TAFA1: variants seen among roughly 807,000 people sequenced by gnomAD.
TAFA1 encodes chemokine-like protein TAFA-1.
Under a neutral mutation model 18.5 loss-of-function variants are expected in TAFA1, and 4 were observed. That is an observed-to-expected ratio of 0.22 (90% CI 0.11 to 0.49). TAFA1 has a LOEUF of 0.49. Ranked by LOEUF, TAFA1 falls within the 20% of genes least tolerant of loss-of-function variation. The pLI is 0.98. For missense variants in TAFA1, 147 were observed against 169.0 expected (o/e 0.87, Z 0.72); for synonymous variants, 56 against 55.2 (o/e 1.01, Z -0.06).
intron 3 of TAFA1, among the ~76,000 whole-genome samples, chr3:68,522,023 A>G (rs2073034962): frequency 6.6e-6 from 1 of 150,418 alleles, no homozygotes; most frequent in African/African-American, 2.4e-5. Flanking sequence ...TTTATTTTCT[A>G]TTTTTCATAG....
rs530468170 is a variant in TAFA1 at position 68,174,336 on chromosome 3, A to G, written c.118+167592A>G. On this transcript the variant is annotated intron_variant, in intron 2 of 4. Coordinates refer to ENST00000478136, the MANE Select transcript of TAFA1 (RefSeq NM_213609.4). Reference sequence around the variant, plus strand: ...TTGTAGGAGGGACCCAGTGGGAGGTAACTGAATCATGGGGGCAGGTCTTTC... The same window carrying G: ...TTGTAGGAGGGACCCAGTGGGAGGTGACTGAATCATGGGGGCAGGTCTTTC... Among the ~76,000 whole-genome samples the G allele has an allele frequency of 1.1e-3, 171 of 152,346 alleles. 1 individual carries two copies. Among genetic ancestry groups the G allele is most frequent in the African/African-American group, 4.0e-3 (167 of 41,592 alleles).
intron 2 of TAFA1, among the ~76,000 whole-genome samples, chr3:68,390,635 G>A (rs1029635403): frequency 2.0e-5 from 3 of 152,196 alleles, no homozygotes; most frequent in African/African-American, 7.2e-5. Flanking sequence ...TGGCCCTGTG[G>A]GACAAAGCTT....
At chr3:68,119,834 C>G (rs68079422) in intron 2 of TAFA1, among the ~76,000 whole-genome samples, 45,086 of 152,008 alleles carry the variant, frequency 0.3, 7,299 homozygotes, top group East Asian at 0.49. Context: ...TCTTCTTTTT[C>G]AAGATTGTTT....
At chr3:68,289,588 A>G (rs2068074478) in intron 2 of TAFA1, among the ~76,000 whole-genome samples, 1 of 138,618 alleles carries the variant, frequency 7.2e-6, no homozygotes, top group Admixed American at 7.1e-5. Flanking sequence ...AAGTTGAAGC[A>G]GGAGGAACAT....
chr3:68,116,322 T>A (rs1559526099), intron 2 of TAFA1, among the ~76,000 whole-genome samples: 1 of 152,168 alleles, frequency 6.6e-6, no homozygotes, highest in Non-Finnish European at 1.5e-5. Context: ...AAGATTAACA[T>A]GATATTTATA....
rs950694299 is a variant in TAFA1 at position 68,107,894 on chromosome 3, T to C, written c.118+101150T>C. ...TTTTTGTTGATTTTACAGAGGCCCT[T>C]GGATGGTTCTGCCCTAGTCATTAGG... On this transcript the variant is annotated intron_variant, in intron 2 of 4. Coordinates refer to ENST00000478136, the MANE Select transcript of TAFA1 (RefSeq NM_213609.4). Among the ~76,000 whole-genome samples, 6 of 152,226 alleles carry C rather than the reference T, an allele frequency of 3.9e-5. No homozygotes were observed. The East Asian group carries it at 1.2e-3, about 29-fold the overall frequency.
intron 2 of TAFA1, among the ~76,000 whole-genome samples, chr3:68,278,946 A>G (rs2067846594): frequency 6.6e-6 from 1 of 152,096 alleles, no homozygotes; most frequent in Non-Finnish European, 1.5e-5. Flanking sequence ...ATCACTGGAG[A>G]TTGTGTTCCA....
intron 2 of TAFA1, among the ~76,000 whole-genome samples, chr3:68,025,466 TAGTC>T (rs1486393885): frequency 1.3e-5 from 2 of 152,166 alleles, no homozygotes; most frequent in African/African-American, 2.4e-5. Context: ...GTTAAAAAGT[TAGTC>T]AGGTCTTGTC....
chr3:68,287,758 C>A (rs1368430977), intron 2 of TAFA1, among the ~76,000 whole-genome samples: 1 of 152,074 alleles, frequency 6.6e-6, no homozygotes. Flanking sequence ...CCAATTAGGG[C>A]TATTTATCCT....
intron 2 of TAFA1, among the ~76,000 whole-genome samples, chr3:68,386,175 C>CA (rs2070098887): frequency 6.6e-6 from 1 of 152,044 alleles, no homozygotes; most frequent in African/African-American, 2.4e-5. Flanking sequence ...TTCAGTAACA[C>CA]ACGATAGATA....
chr3:68,406,795 A>T (rs766567242), intron 2 of TAFA1, among the ~76,000 whole-genome samples: 1 of 152,212 alleles, frequency 6.6e-6, no homozygotes, highest in Non-Finnish European at 1.5e-5. Context: ...TCTCTGATGC[A>T]TCCTTGTTGG....
intron 3 of TAFA1, among the ~76,000 whole-genome samples, chr3:68,477,120 A>C: frequency 6.6e-6 from 1 of 151,902 alleles, no homozygotes; most frequent in South Asian, 2.1e-4. Flanking sequence ...ACCATATATT[A>C]GTTTTGATTC....
intron 2 of TAFA1, among the ~76,000 whole-genome samples, chr3:68,379,527 G>A (rs575812213): frequency 6.6e-6 from 1 of 152,050 alleles, no homozygotes; most frequent in Non-Finnish European, 1.5e-5. Context: ...TTTTGCTTTT[G>A]TCGTAATTGC....
intron 3 of TAFA1, among the ~76,000 whole-genome samples, chr3:68,455,064 A>G (rs2071634972): frequency 6.6e-6 from 1 of 152,222 alleles, no homozygotes; most frequent in Admixed American, 6.5e-5. Flanking sequence ...TATATTATAC[A>G]CTGTTTTCTT....
intron 2 of TAFA1, among the ~76,000 whole-genome samples, chr3:68,213,917 C>G (rs1281229581): frequency 6.6e-6 from 1 of 151,938 alleles, no homozygotes; most frequent in Non-Finnish European, 1.5e-5. Flanking sequence ...TGATTTTTGC[C>G]TGCCTTAACC....
chr3:68,406,150 AG>A (rs1342955372), intron 2 of TAFA1, among the ~76,000 whole-genome samples: 1 of 152,228 alleles, frequency 6.6e-6, no homozygotes, highest in Admixed American at 6.5e-5. Flanking sequence ...ATTAGATATT[AG>A]TATATTCAAT....
intron 2 of TAFA1, among the ~76,000 whole-genome samples, chr3:68,393,440 G>A (rs142441494): frequency 8.0e-5 from 12 of 149,402 alleles, no homozygotes; most frequent in African/African-American, 2.9e-4. Context: ...CTTTCAAAGA[G>A]AAGCTGGTAC....
intron 2 of TAFA1, among the ~76,000 whole-genome samples, chr3:68,211,875 C>A (rs962688031): frequency 6.6e-6 from 1 of 151,994 alleles, no homozygotes; most frequent in South Asian, 2.1e-4. Flanking sequence ...AGCACCAAGC[C>A]GTTTATGAGG....
At chr3:68,439,424 T>TATATATATATATATATATATATAA (rs2071330415) in intron 3 of TAFA1, among the ~76,000 whole-genome samples, 2 of 129,322 alleles carry the variant, frequency 1.5e-5, no homozygotes, top group Admixed American at 1.7e-4. Flanking sequence ...TATATATATA[T>TATATATATATATATATATATATAA]ATATATATAT....
Sources: gnomAD v4.1 joint callset for allele counts (sites outside exome capture counted in the v4.1 genomes callset) on GRCh38, gnomAD v4.1.1 for gene constraint, MANE v1.5 for transcripts, NCBI Gene and HGNC (gene_info 2026-07-23, HGNC 2026-07-21) for gene names.